The following CCDC88C variants were observed in gnomAD, a reference collection of about 807,000 sequenced individuals.
CCDC88C encodes the protein protein Daple.
In CCDC88C, 131 loss-of-function variants were observed where a neutral mutation model predicts 198.8. The observed-to-expected ratio is 0.66, with a 90% confidence interval of 0.57 to 0.76. CCDC88C has a LOEUF of 0.76. Ranked by LOEUF, CCDC88C falls within the 30% of genes least tolerant of loss-of-function variation. The pLI, the probability that CCDC88C is intolerant of heterozygous loss-of-function variation, is 0.00. For synonymous variants in CCDC88C, 1,166 were observed against 1,114.7 expected (o/e 1.05, Z -0.92); for missense variants, 2,553 against 2,631.6 (o/e 0.97, Z 0.65).
At chr14:91,276,885 G>C (rs370205403) in intron 29 of CCDC88C, among the ~76,000 whole-genome samples, 1 of 152,240 alleles carries the variant, frequency 6.6e-6, no homozygotes, top group African/African-American at 2.4e-5. Flanking sequence ...GCAGTGTTTA[G>C]GGTGAGGAGC....
chr14:91,304,055 G>T, intron 19 of CCDC88C, 77 bp from the exon 20 acceptor site: 1 of 1,509,178 alleles, frequency 6.6e-7, no homozygotes, highest in Non-Finnish European at 9.0e-7. Flanking sequence ...TCAAGTGCTC[G>T]AGCAGACACG....
chr14:91,311,190 C>A (rs1891808041), intron 15 of CCDC88C, among the ~76,000 whole-genome samples: 1 of 152,216 alleles, frequency 6.6e-6, no homozygotes, highest in Admixed American at 6.5e-5. Flanking sequence ...AAGAAGTAAG[C>A]CTTGGCTGTG....
intron 15 of CCDC88C, among the ~76,000 whole-genome samples, chr14:91,311,714 CA>C (rs1248432975): frequency 2.0e-5 from 3 of 152,226 alleles, no homozygotes; most frequent in African/African-American, 7.2e-5. Context: ...CTCACCCCAG[CA>C]TACTAAACAA....
chr14:91,308,517 T>G, intron 16 of CCDC88C, 25 bp from the exon 17 acceptor site: 2 of 1,611,120 alleles, frequency 1.2e-6, no homozygotes, highest in Non-Finnish European at 1.7e-6. Flanking sequence ...GATACAATAG[T>G]ATCACTTATC....
chr14:91,293,556 TCGCCTGC>T (rs1567055884), intron 23 of CCDC88C, among the ~76,000 whole-genome samples: 6 of 64,070 alleles, frequency 9.4e-5, no homozygotes, highest in African/African-American at 1.4e-4. Context: ...TCCTGTCCCC[TCGCCTGC>T]CACGGCCCAC....
intron 3 of CCDC88C, among the ~76,000 whole-genome samples, chr14:91,404,749 G>A (rs1378849693): frequency 6.6e-6 from 1 of 152,118 alleles, no homozygotes; most frequent in Non-Finnish European, 1.5e-5. Context: ...GGATCATGAA[G>A]TCAGGAGATC....
At chr14:91,318,905 C>T (rs1435172955) in intron 13 of CCDC88C, among the ~76,000 whole-genome samples, 6 of 118,250 alleles carry the variant, frequency 5.1e-5, no homozygotes, top group African/African-American at 1.7e-4. Flanking sequence ...GACAACAGAG[C>T]GAGACTCCGT....
Position 91,283,491 on chromosome 14 carries a change from C to A in CCDC88C, c.4468G>T (p.Gly1490Cys). Residue 1490 changes from glycine (G) to cysteine (C), a missense_variant, in exon 26 of 30, where the codon GGC becomes TGC. Gly to Cys is a radical substitution (Grantham distance 159, BLOSUM62 -3). Transcript: ENST00000389857. ...TCAAGGCTGCCTCTGTGTGGGGAGC[C>A]TCGCTTTGGTTTTAGATCCCCAGGG... ...KGPGDLKPKR[G>C]SPHRGSLDRT... 6.2e-7 allele frequency: 1 copy of A among 1,611,878 alleles called. No individual in the cohort carries two copies. The highest frequency in any genetic ancestry group is 1.3e-5 in the African/African-American group (1 of 74,990).
chr14:91,353,576 T>C (rs1485921892), intron 4 of CCDC88C, among the ~76,000 whole-genome samples: 1 of 152,188 alleles, frequency 6.6e-6, no homozygotes. Flanking sequence ...GAAAAGGTAC[T>C]CCAGTCTTTT....
At chr14:91,297,203 C>G in intron 22 of CCDC88C, 102 bp downstream of exon 22, 2 of 1,186,302 alleles carry the variant, frequency 1.7e-6, no homozygotes, top group Non-Finnish European at 2.4e-6. Context: ...TGTCTTTGAG[C>G]ACAAATGCCC....
intron 3 of CCDC88C, among the ~76,000 whole-genome samples, chr14:91,394,182 C>T (rs1363886214): frequency 2.6e-5 from 4 of 152,172 alleles, no homozygotes; most frequent in Non-Finnish European, 5.9e-5. Context: ...ATTTAATTTC[C>T]ACCCCCCAGG....
At chr14:91,331,315 A>G (rs959471172) in intron 10 of CCDC88C, among the ~76,000 whole-genome samples, 6 of 152,196 alleles carry the variant, frequency 3.9e-5, no homozygotes, top group Non-Finnish European at 7.4e-5. Flanking sequence ...ATCAACAAAC[A>G]TGTCCCAAGC....
At chr14:91,387,895 C>T (rs1263657974) in intron 3 of CCDC88C, among the ~76,000 whole-genome samples, 1 of 152,212 alleles carries the variant, frequency 6.6e-6, no homozygotes, top group Non-Finnish European at 1.5e-5. Context: ...GGCTGCACGT[C>T]GGAATCACCT....
At chr14:91,367,747 T>C (rs1427857632) in intron 3 of CCDC88C, among the ~76,000 whole-genome samples, 1 of 152,110 alleles carries the variant, frequency 6.6e-6, no homozygotes, top group East Asian at 1.9e-4. Context: ...AGGAAATGTA[T>C]TAACTGCTAA....
chr14:91,281,043 C>T (rs1396409594), intron 27 of CCDC88C: 25 of 406,468 alleles, frequency 6.2e-5, no homozygotes, highest in Admixed American at 5.8e-4. Flanking sequence ...ATAACATGCT[C>T]GAATCCAATG....
At chr14:91,367,017 A>C (rs2139919138) in intron 3 of CCDC88C, among the ~76,000 whole-genome samples, 1 of 152,362 alleles carries the variant, frequency 6.6e-6, no homozygotes, top group South Asian at 2.1e-4. Flanking sequence ...GGTTAGCTTC[A>C]GTATCCACTG....
chr14:91,338,656 G>T lies in CCDC88C; in HGVS notation c.810-86C>A. On this transcript the variant is annotated intron_variant, in intron 8 of 29. Transcript: ENST00000389857. This position sits in a 1 kb window ranked among gnomAD's most constrained non-coding sequence, Gnocchi z 4.8. ...AGCAGGCTGCCACTTCCTAAAACCT[G>T]TGGGAAAAGGAAAGGACTCGGGATT... 1.0e-6 allele frequency: 1 copy of T among 1,004,464 alleles called. No homozygotes were observed. 62.2% of individuals were successfully genotyped at this position (1,004,464 alleles called of 1,614,324 possible). A position where few individuals can be genotyped will look rare whatever the true frequency, so the allele number is the denominator to read the frequency against.
At chr14:91,318,332 C>T (rs573376587) in intron 13 of CCDC88C, among the ~76,000 whole-genome samples, 1 of 152,120 alleles carries the variant, frequency 6.6e-6, no homozygotes, top group Non-Finnish European at 1.5e-5. Context: ...GGGAGGATTA[C>T]TTGAGCTCTG....
chr14:91,304,418 A>G (rs1480211585), intron 19 of CCDC88C, among the ~76,000 whole-genome samples: 1 of 152,156 alleles, frequency 6.6e-6, no homozygotes, highest in Admixed American at 6.5e-5. Context: ...CCCCATCTCT[A>G]CAAAAAAAAA....
Sources: gnomAD v4.1 joint callset for allele counts (sites outside exome capture counted in the v4.1 genomes callset) on GRCh38, gnomAD v4.1.1 for gene constraint, Gnocchi (gnomAD v3.1) non-coding constraint, MANE v1.5 for transcripts, NCBI Gene and HGNC (gene_info 2026-07-23, HGNC 2026-07-21) for gene names.